CACHD1: variants seen among roughly 807,000 people sequenced by gnomAD.
CACHD1 encodes VWFA and cache domain-containing protein 1.
In CACHD1, 71 loss-of-function variants were observed where a neutral mutation model predicts 138.7. The observed-to-expected ratio is 0.51, with a 90% CI of 0.42 to 0.62. The LOEUF (loss-of-function observed/expected upper bound fraction) is 0.62, where lower values mean the gene tolerates loss of function less well. Ranked by LOEUF, CACHD1 falls within the 20% of genes least tolerant of loss-of-function variation. CACHD1 has a pLI of 0.00. For synonymous variants in CACHD1, 578 were observed against 591.5 expected (o/e 0.98, Z 0.33); for missense variants, 1,389 against 1,625.3 (o/e 0.85, Z 2.50).
At chr1:64,511,037 T>G (rs907743821) in intron 1 of CACHD1, among the ~76,000 whole-genome samples, 1 of 152,218 alleles carries the variant, frequency 6.6e-6, no homozygotes, top group Non-Finnish European at 1.5e-5. Context: ...GATATCTATG[T>G]GGCAGGTAAA....
intron 16 of CACHD1, 32 bp from the exon 17 acceptor site, chr1:64,671,532 C>T (rs1306953831): frequency 6.2e-7 from 1 of 1,611,746 alleles, no homozygotes; most frequent in South Asian, 1.1e-5. Flanking sequence ...TAAGCCATGC[C>T]TATTGTTCTC....
chr1:64,526,395 T>TC (rs1646538951), intron 1 of CACHD1, among the ~76,000 whole-genome samples: 1 of 152,182 alleles, frequency 6.6e-6, no homozygotes, highest in African/African-American at 2.4e-5. Flanking sequence ...AAGTGCCTTT[T>TC]TTTTTAAAGC....
chr1:64,553,179 A>C (rs1250135752), intron 2 of CACHD1, among the ~76,000 whole-genome samples: 2 of 152,276 alleles, frequency 1.3e-5, no homozygotes, highest in Non-Finnish European at 2.9e-5. Context: ...TTACAACAAC[A>C]TAACAATAAA....
At chr1:64,479,783 G>A (rs535275478) in intron 1 of CACHD1, among the ~76,000 whole-genome samples, 29 of 152,254 alleles carry the variant, frequency 1.9e-4, no homozygotes, top group African/African-American at 6.3e-4. Flanking sequence ...TCTTAAATAG[G>A]TTCTCCCCTC....
chr1:64,568,614 T>TTA (rs1646902058), intron 2 of CACHD1, among the ~76,000 whole-genome samples: 1 of 152,136 alleles, frequency 6.6e-6, no homozygotes, highest in African/African-American at 2.4e-5. Flanking sequence ...TTCTGTATTC[T>TTA]TATATATATA....
chr1:64,510,548 G>T (rs1234648761), intron 1 of CACHD1, among the ~76,000 whole-genome samples: 1 of 152,152 alleles, frequency 6.6e-6, no homozygotes, highest in Admixed American at 6.5e-5. Flanking sequence ...TGTTTAGGTA[G>T]CTTAATCTCC....
chr1:64,684,672 T>C (rs1650306434), intron 26 of CACHD1, among the ~76,000 whole-genome samples: 1 of 152,184 alleles, frequency 6.6e-6, no homozygotes, highest in Non-Finnish European at 1.5e-5. Flanking sequence ...TTATAAAGTC[T>C]ACAGTAGTGT....
intron 3 of CACHD1, among the ~76,000 whole-genome samples, chr1:64,584,215 G>T (rs544154175): frequency 2.0e-5 from 3 of 152,234 alleles, no homozygotes; most frequent in Non-Finnish European, 4.4e-5. Context: ...CAACTTAAAA[G>T]GCTGGAAGAA....
At chr1:64,658,498 TC>T (rs1053274668) in intron 12 of CACHD1, among the ~76,000 whole-genome samples, 2 of 152,192 alleles carry the variant, frequency 1.3e-5, no homozygotes, top group African/African-American at 4.8e-5. Context: ...ACTTCAGGTC[TC>T]CTCAACAAGA....
intron 7 of CACHD1, among the ~76,000 whole-genome samples, chr1:64,636,998 C>T (rs923388857): frequency 1.3e-5 from 2 of 152,064 alleles, no homozygotes; most frequent in African/African-American, 4.8e-5. Context: ...ATCCACAAGC[C>T]AATATTATGG....
chr1:64,553,114 A>G (rs1207455910), intron 2 of CACHD1, among the ~76,000 whole-genome samples: 14 of 152,204 alleles, frequency 9.2e-5, no homozygotes. Context: ...CAGGTCTTAA[A>G]TAATTTCTTC....
intron 1 of CACHD1, among the ~76,000 whole-genome samples, chr1:64,471,293 C>G (rs1433963565): frequency 6.6e-6 from 1 of 152,206 alleles, no homozygotes; most frequent in African/African-American, 2.4e-5. Context: ...CCCATGTAGG[C>G]TTGTTTTCAC....
At chr1:64,536,872 G>A (rs1251914855) in intron 1 of CACHD1, among the ~76,000 whole-genome samples, 1 of 152,148 alleles carries the variant, frequency 6.6e-6, no homozygotes, top group East Asian at 1.9e-4. Context: ...CCTAATAGGT[G>A]GCTATGATAA....
At chr1:64,541,299 A>G (rs2100428061) in intron 1 of CACHD1, among the ~76,000 whole-genome samples, 1 of 152,394 alleles carries the variant, frequency 6.6e-6, no homozygotes, top group African/African-American at 2.4e-5. Flanking sequence ...ATTAACAATA[A>G]GGTTAGGACC....
At chr1:64,524,295 G>A (rs962913515) in intron 1 of CACHD1, among the ~76,000 whole-genome samples, 10 of 152,196 alleles carry the variant, frequency 6.6e-5, no homozygotes, top group East Asian at 5.8e-4. Context: ...ATAATGACAA[G>A]CAAGTATGTG....
chr1:64,597,521 GTTGTTT>G (rs1647164124), intron 3 of CACHD1, among the ~76,000 whole-genome samples: 2 of 63,854 alleles, frequency 3.1e-5, no homozygotes, highest in African/African-American at 1.3e-4. Context: ...TTTTTTTTTT[GTTGTTT>G]TTTTTTTTTT....
At chr1:64,647,237 G>A (rs1043976508) in intron 8 of CACHD1, among the ~76,000 whole-genome samples, 2 of 152,102 alleles carry the variant, frequency 1.3e-5, no homozygotes, top group African/African-American at 4.8e-5. Context: ...TATCAAGCAT[G>A]AATATGTTTA....
intron 1 of CACHD1, among the ~76,000 whole-genome samples, chr1:64,501,515 A>T (rs966715016): frequency 2.0e-5 from 3 of 152,228 alleles, no homozygotes; most frequent in African/African-American, 7.2e-5. Flanking sequence ...TGATGCCTTC[A>T]GCAGTTAATT....
chr1:64,472,086 A>G (rs1287175084), intron 1 of CACHD1, among the ~76,000 whole-genome samples: 1 of 152,098 alleles, frequency 6.6e-6, no homozygotes. Flanking sequence ...CGTTCTTGGA[A>G]TAGGTTTCTG....
Sources: gnomAD v4.1 joint callset for allele counts (sites outside exome capture counted in the v4.1 genomes callset) on GRCh38, gnomAD v4.1.1 for gene constraint, MANE v1.5 for transcripts, NCBI Gene and HGNC (gene_info 2026-07-23, HGNC 2026-07-21) for gene names.